Variants in TFPI observed in about 807,000 individuals in gnomAD.
TFPI encodes the protein tissue factor pathway inhibitor.
TFPI carries 15 observed loss-of-function variants against 34.6 expected under a neutral mutation model. The observed-to-expected ratio is 0.43, with a 90% CI of 0.29 to 0.67. TFPI has a LOEUF of 0.67. TFPI is among the 30% of genes least tolerant of loss of function. The pLI is 0.15. For synonymous variants in TFPI, 105 were observed against 120.1 expected, an observed-to-expected ratio of 0.87 and a Z score of 0.82; for missense variants, 301 against 364.0, an observed-to-expected ratio of 0.83 and a Z score of 1.41.
chr2:187,536,406 C>T (rs1297149464), intron 1 of TFPI, among the ~76,000 whole-genome samples: 1 of 152,170 alleles, frequency 6.6e-6, no homozygotes, highest in Non-Finnish European at 1.5e-5. Flanking sequence ...TGGCTTCATC[C>T]CTGGGATGCA....
chr2:187,551,179 G>C (rs903891862), intron 1 of TFPI, among the ~76,000 whole-genome samples: 17 of 151,978 alleles, frequency 1.1e-4, no homozygotes, highest in Admixed American at 3.9e-4. Context: ...ATATTGACTG[G>C]GTAATTCCTT....
At position 187,472,189 on chromosome 2, in the gene TFPI, G is replaced by A. The variant is rs774601893; in HGVS notation, c.629-4257C>T. 1.6e-3 allele frequency among the ~76,000 whole-genome samples: 246 copies of A among 152,052 alleles called. 5 individuals carry two copies. Among genetic ancestry groups the A allele is most frequent in the Non-Finnish European group, 9.9e-4 (67 of 67,976 alleles). On this transcript the variant is annotated intron_variant, in intron 6 of 7. Coordinates refer to ENST00000233156, the MANE Select transcript of TFPI (RefSeq NM_006287.6). ...TATAATATTCTATATTACTATACTT[G>A]ATAATATTTTGTGGCTGTGTCTCCA...
chr2:187,484,855 T>C lies in TFPI; in HGVS notation c.491A>G (p.Asn164Ser). ...CTTGCATTCTTCCAGTGTCTCAAAA[T>C]TGTTCATATTGCCCAGGCATCCACC... Reference protein sequence around the residue: ...KYGGCLGNMNNFETLEECKNI... With the variant: ...KYGGCLGNMNSFETLEECKNI... The change falls in exon 5 of 8, where the codon AAT becomes AGT. Residue 164 changes from asparagine (N) to serine (S), a missense_variant. Asn to Ser is a conservative substitution (Grantham distance 46). Coordinates refer to ENST00000233156, the MANE Select transcript of TFPI (RefSeq NM_006287.6). 1 of 1,592,212 alleles carries C rather than the reference T, an allele frequency of 6.3e-7. No individual in the cohort carries two copies. Among genetic ancestry groups the C allele is most frequent in the Non-Finnish European group, 8.5e-7 (1 of 1,172,362 alleles).
chr2:187,483,372 G>T (rs1339981201), intron 6 of TFPI, among the ~76,000 whole-genome samples: 1 of 151,796 alleles, frequency 6.6e-6, no homozygotes, highest in African/African-American at 2.4e-5. Context: ...TGTTCACATG[G>T]ACTACTTCTA....
intron 1 of TFPI, among the ~76,000 whole-genome samples, chr2:187,523,581 A>T (rs1241573136): frequency 6.6e-6 from 1 of 151,912 alleles, no homozygotes; most frequent in African/African-American, 2.4e-5. Context: ...CTTTTAATTT[A>T]TTTTTTTTAA....
intron 6 of TFPI, among the ~76,000 whole-genome samples, chr2:187,471,102 T>C (rs1014664070): frequency 2.0e-5 from 3 of 152,218 alleles, no homozygotes; most frequent in African/African-American, 7.2e-5. Flanking sequence ...AATTAACTTT[T>C]AGAGGTTTTT....
At chr2:187,539,811 C>G (rs1177206591) in intron 1 of TFPI, among the ~76,000 whole-genome samples, 1 of 152,032 alleles carries the variant, frequency 6.6e-6, no homozygotes, top group Non-Finnish European at 1.5e-5. Context: ...TATCCTCAAA[C>G]TGAATAAACA....
intron 3 of TFPI, among the ~76,000 whole-genome samples, chr2:187,489,643 C>T (rs890931721): frequency 6.6e-6 from 1 of 151,370 alleles, no homozygotes; most frequent in Non-Finnish European, 1.5e-5. Flanking sequence ...TGACAATAGT[C>T]ATAAGATGGG....
In TFPI at chr2:187,465,675, C is replaced by CG. The variant is rs1691687262; in HGVS notation, c.*1260_*1261insC. 1 of 151,112 alleles carries CG rather than the reference C, an allele frequency of 6.6e-6. No individual in the cohort carries two copies. The highest frequency in any genetic ancestry group is 1.5e-5 in the Non-Finnish European group (1 of 67,900). The allele number at this position is 151,112 out of a possible 1,614,324, so 9.4% of individuals were successfully genotyped here. A position where few individuals can be genotyped will look rare whatever the true frequency, so the allele number is the denominator to read the frequency against. ...CAAAATTTCAATCCTGAAGAACAGG[C>CG]AGAATTATACTATCATTGTTAGCGA... On this transcript the variant is annotated 3_prime_UTR_variant, in exon 8 of 8. Coordinates refer to ENST00000233156, the MANE Select transcript of TFPI (RefSeq NM_006287.6).
At chr2:187,498,319 TA>T (rs1157194052) in intron 2 of TFPI, among the ~76,000 whole-genome samples, 1 of 151,838 alleles carries the variant, frequency 6.6e-6, no homozygotes, top group Non-Finnish European at 1.5e-5. Context: ...ATGTGTGTAA[TA>T]AAAGTTAAAT....
chr2:187,488,430 A>G lies in TFPI; in HGVS notation c.320-55T>C, dbSNP rs1693450883. On this transcript the variant is annotated intron_variant, in intron 3 of 7. Transcript: ENST00000233156. Reference sequence around the variant, plus strand: ...TTGTCACAATTTATAAAGTAATACTATGAATTTGAATTTAACAAACAAGAG... The same window carrying G: ...TTGTCACAATTTATAAAGTAATACTGTGAATTTGAATTTAACAAACAAGAG... The G allele has an allele frequency of 1.7e-5, 20 of 1,160,852 alleles. No individual in the cohort carries two copies. The South Asian group carries it at 3.6e-4, about 21-fold the overall frequency. The allele number at this position is 1,160,852 out of a possible 1,614,324, so 71.9% of individuals were successfully genotyped here.
rs921502004 is a variant in TFPI at position 187,471,185 on chromosome 2, T to C, written c.629-3253A>G. Reference sequence around the variant, plus strand: ...TATTCTTCAGAACATAAATTTTACCTAATACGTAAACTAATTCATTTATCT... The same window carrying C: ...TATTCTTCAGAACATAAATTTTACCCAATACGTAAACTAATTCATTTATCT... On this transcript the variant is annotated intron_variant, in intron 6 of 7. Coordinates refer to ENST00000233156, the MANE Select transcript of TFPI (RefSeq NM_006287.6). 3.3e-5 allele frequency among the ~76,000 whole-genome samples: 5 copies of C among 152,226 alleles called. 1 individual carries two copies. The highest frequency in any genetic ancestry group is 2.9e-5 in the Non-Finnish European group (2 of 68,028).
At chr2:187,478,921 C>CA (rs989686157) in intron 6 of TFPI, 15 of 755,742 alleles carry the variant, frequency 2.0e-5, no homozygotes, top group East Asian at 1.4e-4. Flanking sequence ...TGTTTTTCTT[C>CA]AAAAAAATCT....
chr2:187,520,335 A>C (rs371381804), intron 1 of TFPI, among the ~76,000 whole-genome samples: 1 of 152,114 alleles, frequency 6.6e-6, no homozygotes, highest in African/African-American at 2.4e-5. Flanking sequence ...AAAGCATCGT[A>C]TCTAGGCTAG....
chr2:187,544,022 A>G (rs1688719995), intron 1 of TFPI, among the ~76,000 whole-genome samples: 1 of 152,206 alleles, frequency 6.6e-6, no homozygotes, highest in African/African-American at 2.4e-5. Flanking sequence ...GAAGCAGCTT[A>G]CCTCTGTATT....
At position 187,465,297 on chromosome 2, in the gene TFPI, G is replaced by C. The variant is rs1691660265; in HGVS notation, c.*1639C>G. On this transcript the variant is annotated 3_prime_UTR_variant, in exon 8 of 8. Transcript: ENST00000233156. ...GGGCTGGAAGATTGCTTGAGCCCAG[G>C]TGTTCAAGACAAGCCTAGGTAACGT... The C allele has an allele frequency of 6.6e-6, 1 of 151,964 alleles. No homozygotes were observed. Among genetic ancestry groups the C allele is most frequent in the African/African-American group, 2.4e-5 (1 of 41,358 alleles). The allele number at this position is 151,964 out of a possible 1,614,324, so 9.4% of individuals were successfully genotyped here.
At chr2:187,506,314 T>TA (rs1333356482) in intron 1 of TFPI, among the ~76,000 whole-genome samples, 1 of 151,916 alleles carries the variant, frequency 6.6e-6, no homozygotes, top group Non-Finnish European at 1.5e-5. Flanking sequence ...CATCTTCTTT[T>TA]AAAAAAATTG....
intron 6 of TFPI, 145 bp downstream of exon 6, chr2:187,483,979 G>A: frequency 1.5e-6 from 1 of 671,448 alleles, no homozygotes; most frequent in East Asian, 2.9e-5. Context: ...TAAACAATTT[G>A]AATCTCAGTA....
Position 187,465,358 on chromosome 2 carries a change from G to T in TFPI, c.*1578C>A, listed in dbSNP as rs541251032. 6.6e-6 allele frequency: 1 copy of T among 151,814 alleles called. No homozygotes were observed. The highest frequency in any genetic ancestry group is 6.6e-5 in the Admixed American group (1 of 15,192). The allele number at this position is 151,814 out of a possible 1,614,324, so 9.4% of individuals were successfully genotyped here. Reference sequence around the variant, plus strand: ...GTCTCTACAAAAATTACATAAATTAGCTGGTGTGGTGGCCTGCACCTCTAG... The same window carrying T: ...GTCTCTACAAAAATTACATAAATTATCTGGTGTGGTGGCCTGCACCTCTAG... On this transcript the variant is annotated 3_prime_UTR_variant, in exon 8 of 8. Coordinates refer to ENST00000233156, the MANE Select transcript of TFPI (RefSeq NM_006287.6).
Sources: gnomAD v4.1 joint callset for allele counts (sites outside exome capture counted in the v4.1 genomes callset) on GRCh38, gnomAD v4.1.1 for gene constraint, MANE v1.5 for transcripts, NCBI Gene and HGNC (gene_info 2026-07-23, HGNC 2026-07-21) for gene names.